SUPT3H: variants seen among roughly 807,000 people sequenced by gnomAD.
SUPT3H encodes transcription initiation protein SPT3 homolog.
Under a neutral mutation model 44.3 loss-of-function variants are expected in SUPT3H, and 44 were observed. The observed-to-expected ratio is 0.99, with a 90% CI of 0.78 to 1.28. SUPT3H has a LOEUF of 1.28. Among genes scored for constraint, SUPT3H ranks in the 50% most tolerant of loss-of-function variants. The pLI, the probability that SUPT3H is intolerant of heterozygous loss-of-function variation, is 0.00. For synonymous variants in SUPT3H, 124 were observed against 125.6 expected (o/e 0.99, Z 0.09); for missense variants, 380 against 387.1 (o/e 0.98, Z 0.15).
intron 2 of SUPT3H, among the ~76,000 whole-genome samples, chr6:45,151,977 A>C (rs1562559995): frequency 6.6e-6 from 1 of 152,048 alleles, no homozygotes; most frequent in African/African-American, 2.4e-5. Flanking sequence ...TGAGGGCTCA[A>C]TTCTCAGATC....
At chr6:44,831,498 A>G (rs1157123805) in intron 10 of SUPT3H, among the ~76,000 whole-genome samples, 1 of 152,222 alleles carries the variant, frequency 6.6e-6, no homozygotes, top group African/African-American at 2.4e-5. Flanking sequence ...TCTGTGAAAC[A>G]AACAGCTCCT....
At chr6:44,838,538 A>G (rs188414906) in intron 10 of SUPT3H, among the ~76,000 whole-genome samples, 69 of 152,248 alleles carry the variant, frequency 4.5e-4, no homozygotes, top group Non-Finnish European at 8.7e-4. Context: ...AAAGTGTTTT[A>G]AGTAAGGCCA....
At position 44,845,926 on chromosome 6, in the gene SUPT3H, C is replaced by T. The variant is rs554733788; in HGVS notation, c.913-16069G>A. ...GGATACAGAAAGCCCTCTGTCCTTG[C>T]GATAAGGCAGGGGTCTAATTGAGCT... On this transcript the variant is annotated intron_variant, in intron 10 of 10. Transcript: ENST00000371459. Among the ~76,000 whole-genome samples, 8 of 152,308 alleles carry T rather than the reference C, an allele frequency of 5.3e-5. No homozygotes were observed. The East Asian group carries it at 1.4e-3, about 26-fold the overall frequency.
At chr6:44,940,611 G>C (rs1332023857) in intron 9 of SUPT3H, among the ~76,000 whole-genome samples, 1 of 152,054 alleles carries the variant, frequency 6.6e-6, no homozygotes, top group Non-Finnish European at 1.5e-5. Context: ...TCAACCATTT[G>C]ACTAATGCTG....
At chr6:45,295,969 A>C (rs1354787421) in intron 2 of SUPT3H, among the ~76,000 whole-genome samples, 1 of 152,154 alleles carries the variant, frequency 6.6e-6, no homozygotes, top group African/African-American at 2.4e-5. Flanking sequence ...CAGCAATCCC[A>C]ATCCTGGGTA....
intron 2 of SUPT3H, among the ~76,000 whole-genome samples, chr6:45,301,865 G>C (rs562830953): frequency 7.5e-4 from 114 of 152,228 alleles, no homozygotes; most frequent in South Asian, 2.3e-3. Context: ...GTGTCCTTTA[G>C]CAAGTGGATT....
At chr6:44,918,050 G>A (rs1232044836) in intron 10 of SUPT3H, among the ~76,000 whole-genome samples, 2 of 152,082 alleles carry the variant, frequency 1.3e-5, no homozygotes, top group African/African-American at 2.4e-5. Context: ...AATGACCAAT[G>A]TATCTCTAGA....
chr6:44,835,087 A>G (rs574147031), intron 10 of SUPT3H, among the ~76,000 whole-genome samples: 20 of 152,104 alleles, frequency 1.3e-4, no homozygotes, highest in Non-Finnish European at 2.4e-4. Flanking sequence ...ATAGATATAC[A>G]TAGCTGAAAG....
rs752887669 is a variant in SUPT3H, at chr6:45,295,524, C to CAAAAAAAAAAAAAAAAAA, written c.101+69659_101+69676dup. Among the ~76,000 whole-genome samples, 3 of 40,060 alleles carry CAAAAAAAAAAAAAAAAAA rather than the reference C, an allele frequency of 7.5e-5. 1 individual carries two copies. The highest frequency in any genetic ancestry group is 8.9e-4 in the Admixed American group (2 of 2,242). 26.3% of individuals were successfully genotyped at this position (40,060 alleles called of 152,430 possible). Reference sequence around the variant, plus strand: ...ATTAAACGAAAGAGCTTTTGCACAGCAAAAAAAAAAAAAAAAAAAAAAAAA... The same window carrying CAAAAAAAAAAAAAAAAAA: ...ATTAAACGAAAGAGCTTTTGCACAGCAAAAAAAAAAAAAAAAAAAAAAAAAAAAAAAAAAAAAAAAAAA... On this transcript the variant is annotated intron_variant, in intron 2 of 10. Transcript: ENST00000371459.
At chr6:45,075,860 AAAT>A (rs1642053922) in intron 3 of SUPT3H, among the ~76,000 whole-genome samples, 1 of 152,144 alleles carries the variant, frequency 6.6e-6, no homozygotes, top group African/African-American at 2.4e-5. Flanking sequence ...TTCTTTTCAT[AAAT>A]AATAATGATC....
At chr6:44,946,813 G>A (rs796827223) in intron 9 of SUPT3H, among the ~76,000 whole-genome samples, 2 of 152,178 alleles carry the variant, frequency 1.3e-5, no homozygotes, top group Non-Finnish European at 2.9e-5. Flanking sequence ...CAATGTCAGG[G>A]TTTGAGAGAA....
chr6:45,026,949 C>T (rs946008877), intron 3 of SUPT3H, among the ~76,000 whole-genome samples: 4 of 150,678 alleles, frequency 2.7e-5, no homozygotes, highest in Non-Finnish European at 5.9e-5. Flanking sequence ...CATCTGGAGC[C>T]CTCCAGACTT....
chr6:44,925,273 G>A (rs1195475178), intron 10 of SUPT3H, among the ~76,000 whole-genome samples: 4 of 152,184 alleles, frequency 2.6e-5, no homozygotes, highest in African/African-American at 7.2e-5. Flanking sequence ...ACAGCACAAA[G>A]CTTCTCAGAG....
intron 2 of SUPT3H, among the ~76,000 whole-genome samples, chr6:45,184,877 T>G (rs1304645748): frequency 6.6e-6 from 1 of 151,944 alleles, no homozygotes; most frequent in African/African-American, 2.4e-5. Flanking sequence ...AAAAGCATTT[T>G]TGGCAGTATC....
At chr6:44,935,916 T>C (rs1402565018) in intron 9 of SUPT3H, among the ~76,000 whole-genome samples, 2 of 152,260 alleles carry the variant, frequency 1.3e-5, no homozygotes, top group African/African-American at 4.8e-5. Flanking sequence ...GTTAGTGTCC[T>C]ATCCTTTCTC....
chr6:45,116,970 T>C (rs1800937570), intron 2 of SUPT3H, among the ~76,000 whole-genome samples: 1 of 152,134 alleles, frequency 6.6e-6, no homozygotes, highest in South Asian at 2.1e-4. Context: ...AAAGACTTCC[T>C]ATTTCTTATC....
Position 45,246,464 on chromosome 6 carries a change from A to G in SUPT3H, c.101+118737T>C, listed in dbSNP as rs552899356. On this transcript the variant is annotated intron_variant, in intron 2 of 10. Transcript: ENST00000371459. Reference sequence around the variant, plus strand: ...TTTAACCATCATCGTAACAGGAAGTAGAGTGCAACTTTGCACTAAGTTAAA... The same window carrying G: ...TTTAACCATCATCGTAACAGGAAGTGGAGTGCAACTTTGCACTAAGTTAAA... 1.8e-3 allele frequency among the ~76,000 whole-genome samples: 281 copies of G among 152,274 alleles called. 1 individual carries two copies. The highest frequency in any genetic ancestry group is 6.3e-3 in the African/African-American group (260 of 41,562).
intron 10 of SUPT3H, among the ~76,000 whole-genome samples, chr6:44,931,364 T>A (rs1770559791): frequency 6.6e-6 from 1 of 152,140 alleles, no homozygotes; most frequent in South Asian, 2.1e-4. Flanking sequence ...ATTTTTAATC[T>A]TTCATTATAA....
At chr6:45,323,019 A>G in intron 2 of SUPT3H, 1 of 1,099,276 alleles carries the variant, frequency 9.1e-7, no homozygotes, top group Non-Finnish European at 1.3e-6. Flanking sequence ...TAATAGAGAT[A>G]CAGACAGACA....
Sources: allele counts gnomAD v4.1 joint callset (sites outside exome capture counted in the v4.1 genomes callset), GRCh38; gene constraint gnomAD v4.1.1; transcripts MANE v1.5; gene names NCBI Gene and HGNC (gene_info 2026-07-23, HGNC 2026-07-21).